Variants in CTNND2 observed in about 807,000 individuals in gnomAD.
CTNND2 encodes catenin delta 2, also known as catenin delta-2.
Under a neutral mutation model 144.4 loss-of-function variants are expected in CTNND2, and 22 were observed. The observed-to-expected ratio is 0.15, with a 90% CI of 0.11 to 0.22. The LOEUF is 0.22. CTNND2 is among the 10% of genes least tolerant of loss of function. The pLI, the probability that CTNND2 is intolerant of heterozygous loss-of-function variation, is 1.00. For synonymous variants in CTNND2, 751 were observed against 695.6 expected (o/e 1.08, Z -1.25); for missense variants, 1,353 against 1,618.8 (o/e 0.84, Z 2.82).
Position 11,193,091 on chromosome 5 carries a change from G to A in CTNND2, c.1975+6357C>T, listed in dbSNP as rs574571607. On this transcript the variant is annotated intron_variant, in intron 11 of 21. Coordinates refer to ENST00000304623, the MANE Select transcript of CTNND2 (RefSeq NM_001332.4). ...AGTATGTGGCCAATTCCAGCGTGAG[G>A]CAGCCCCGAATTCAGGCTGCTAAAG... Among the ~76,000 whole-genome samples the A allele has an allele frequency of 3.3e-5, 5 of 152,258 alleles. No homozygotes were observed. The East Asian group carries it at 5.8e-4, about 18-fold the overall frequency.
chr5:11,713,574 A>C (rs1786157769), intron 2 of CTNND2, among the ~76,000 whole-genome samples: 1 of 126,354 alleles, frequency 7.9e-6, no homozygotes, highest in African/African-American at 3.4e-5. Flanking sequence ...ACAGAGTGAG[A>C]CTCCATCTCA....
chr5:11,887,521 T>C (rs958990969), intron 1 of CTNND2, among the ~76,000 whole-genome samples: 1 of 152,062 alleles, frequency 6.6e-6, no homozygotes, highest in African/African-American at 2.4e-5. Context: ...AAAAAAAACT[T>C]CTAGTGTTAA....
intron 11 of CTNND2, among the ~76,000 whole-genome samples, chr5:11,191,961 C>A (rs1736290329): frequency 2.0e-5 from 3 of 152,180 alleles, no homozygotes; most frequent in Admixed American, 1.3e-4. Flanking sequence ...GACACAGCGG[C>A]AAAGCCTTCC....
At chr5:11,356,171 T>C (rs556094279) in intron 8 of CTNND2, among the ~76,000 whole-genome samples, 4 of 152,078 alleles carry the variant, frequency 2.6e-5, no homozygotes, top group East Asian at 3.9e-4. Flanking sequence ...ACCAATGATA[T>C]TCTTCACAGA....
At chr5:11,013,259 T>C (rs1741275041) in intron 18 of CTNND2, among the ~76,000 whole-genome samples, 2 of 152,324 alleles carry the variant, frequency 1.3e-5, no homozygotes, top group Admixed American at 1.3e-4. Context: ...CCATCAAACT[T>C]AAGCATAAAA....
At chr5:11,829,409 A>G (rs1424637855) in intron 1 of CTNND2, among the ~76,000 whole-genome samples, 2 of 152,196 alleles carry the variant, frequency 1.3e-5, no homozygotes, top group Non-Finnish European at 2.9e-5. Flanking sequence ...GGCCAGGCCC[A>G]GGGTCCCTAT....
At chr5:11,458,198 C>T (rs1765896806) in intron 3 of CTNND2, among the ~76,000 whole-genome samples, 1 of 152,172 alleles carries the variant, frequency 6.6e-6, no homozygotes, top group Non-Finnish European at 1.5e-5. Context: ...TCAGGAAACA[C>T]CCTAAGTTTT....
intron 16 of CTNND2, among the ~76,000 whole-genome samples, chr5:11,034,588 T>C (rs1250365653): frequency 6.6e-6 from 1 of 152,250 alleles, no homozygotes; most frequent in East Asian, 1.9e-4. Flanking sequence ...ATCAGACTGT[T>C]GGAGGAAGGA....
chr5:11,405,861 G>T (rs1279842063), intron 5 of CTNND2, among the ~76,000 whole-genome samples: 1 of 152,148 alleles, frequency 6.6e-6, no homozygotes, highest in African/African-American at 2.4e-5. Context: ...CCTCTGGAAA[G>T]AACAGTCTTG....
rs191342262 is a variant in CTNND2 at position 11,592,388 on chromosome 5, C to T, written c.175-27332G>A. Among the ~76,000 whole-genome samples the T allele has an allele frequency of 1.4e-3, 219 of 152,006 alleles. 1 individual carries two copies. The highest frequency in any genetic ancestry group is 4.7e-3 in the African/African-American group (195 of 41,446). ...ATAATGTATGATATCTGGGAAGATA[C>T]GTGTAAACTCACATATCTCCTTCAT... On this transcript the variant is annotated intron_variant, in intron 2 of 21. Coordinates refer to ENST00000304623, the MANE Select transcript of CTNND2 (RefSeq NM_001332.4).
intron 11 of CTNND2, among the ~76,000 whole-genome samples, chr5:11,184,165 G>C (rs570711854): frequency 2.6e-5 from 4 of 152,162 alleles, no homozygotes; most frequent in South Asian, 4.2e-4. Context: ...ACGATGGAGG[G>C]GAATAATTTT....
At position 11,651,206 on chromosome 5, in the gene CTNND2, G is replaced by A. The variant is rs539452303; in HGVS notation, c.174+80930C>T. On this transcript the variant is annotated intron_variant, in intron 2 of 21. Transcript: ENST00000304623. ...CTGTGTCCCAGCCACTCCAGCTCTA[G>A]CCATGGCTAAAAGGGTCCCAGATAC... 5.3e-5 allele frequency among the ~76,000 whole-genome samples: 8 copies of A among 152,258 alleles called. No individual in the cohort carries two copies. In the South Asian group the frequency reaches 1.7e-3, roughly 32 times the overall value.
At chr5:11,696,282 T>C (rs943721046) in intron 2 of CTNND2, among the ~76,000 whole-genome samples, 18 of 143,246 alleles carry the variant, frequency 1.3e-4, no homozygotes, top group African/African-American at 5.5e-4. Context: ...TCACATGTCA[T>C]GAAATATTCT....
At chr5:11,323,328 G>A (rs1211822625) in intron 9 of CTNND2, among the ~76,000 whole-genome samples, 1 of 151,990 alleles carries the variant, frequency 6.6e-6, no homozygotes, top group Non-Finnish European at 1.5e-5. Context: ...GAGAATACAG[G>A]CATGAAACAC....
chr5:11,029,826 A>G (rs67850084), intron 16 of CTNND2, among the ~76,000 whole-genome samples: 11,352 of 152,226 alleles, frequency 0.075, 552 homozygotes, highest in Non-Finnish European at 0.1. Flanking sequence ...GAGCTTTATA[A>G]TTGCCCATGT....
At chr5:11,207,215 A>C (rs1484547498) in intron 10 of CTNND2, among the ~76,000 whole-genome samples, 3 of 152,086 alleles carry the variant, frequency 2.0e-5, no homozygotes, top group Admixed American at 6.6e-5. Flanking sequence ...GGAGGGGAAC[A>C]TCACACACTG....
chr5:11,375,206 T>C (rs956390994), intron 7 of CTNND2, among the ~76,000 whole-genome samples: 1 of 152,164 alleles, frequency 6.6e-6, no homozygotes, highest in Non-Finnish European at 1.5e-5. Flanking sequence ...ATTCTCCCTA[T>C]ATCATTTTCT....
chr5:11,075,224 C>T (rs573888886), intron 16 of CTNND2, among the ~76,000 whole-genome samples: 1 of 152,284 alleles, frequency 6.6e-6, no homozygotes, highest in African/African-American at 2.4e-5. Context: ...GGAAATGGCC[C>T]TATTCTGACC....
chr5:11,318,586 C>T (rs1296012698), intron 9 of CTNND2, among the ~76,000 whole-genome samples: 2 of 152,140 alleles, frequency 1.3e-5, no homozygotes, highest in African/African-American at 4.8e-5. Flanking sequence ...TCACCCTCTC[C>T]TCACCAGATC....
Sources: gnomAD v4.1 joint callset for allele counts (sites outside exome capture counted in the v4.1 genomes callset) on GRCh38, gnomAD v4.1.1 for gene constraint, MANE v1.5 for transcripts, NCBI Gene and HGNC (gene_info 2026-07-23, HGNC 2026-07-21) for gene names.